The following LIMA1 variants were observed in gnomAD, a reference collection of about 807,000 sequenced individuals.
LIMA1 encodes the protein LIM domain and actin binding 1, also known as LIM domain and actin-binding protein 1.
A neutral mutation model predicts 62.6 loss-of-function variants in LIMA1; 52 were observed. That is an observed-to-expected ratio of 0.83 (90% CI 0.67 to 1.05). The LOEUF (loss-of-function observed/expected upper bound fraction) is 1.05. Ranked by LOEUF, LIMA1 falls within the 50% of genes least tolerant of loss-of-function variation. The pLI is 0.00. For missense variants in LIMA1, 780 were observed against 902.2 expected, an observed-to-expected ratio of 0.86 and a Z score of 1.74; for synonymous variants, 302 against 317.8, an observed-to-expected ratio of 0.95 and a Z score of 0.53.
At chr12:50,245,589 CT>C (rs139426723) in intron 2 of LIMA1, among the ~76,000 whole-genome samples, 5,145 of 148,514 alleles carry the variant, frequency 0.035, 285 homozygotes, top group African/African-American at 0.12. Context: ...TCCCCTATCA[CT>C]TTTTTTTTTC....
intron 7 of LIMA1, chr12:50,196,145 T>C (rs967572587): frequency 2.5e-6 from 1 of 394,904 alleles, no homozygotes; most frequent in Non-Finnish European, 4.5e-6. Flanking sequence ...AAAGTGTGCA[T>C]CATCTCCCTT....
chr12:50,265,455 G>A (rs1942128453), intron 1 of LIMA1, among the ~76,000 whole-genome samples: 1 of 151,942 alleles, frequency 6.6e-6, no homozygotes, highest in Non-Finnish European at 1.5e-5. Context: ...GGAAGGTGGA[G>A]GTTGCGGTGA....
At position 50,177,839 on chromosome 12, in the gene LIMA1, C is replaced by T. The variant is rs372141741; in HGVS notation, c.1505G>A (p.Gly502Asp). The change falls in exon 11 of 11, where the codon GGT becomes GAT. Residue 502 changes from glycine to aspartate, a missense_variant. Coordinates refer to ENST00000341247, the MANE Select transcript of LIMA1 (RefSeq NM_016357.5). ...GVEDAPIAKV[G>D]VLAASMEAKA... ...GGCTTCCATACTTGCAGCCAGGACA[C>T]CCACCTTAGCAATAGGGGCATCTTC... The T allele has an allele frequency of 1.2e-6, 2 of 1,613,064 alleles. No homozygotes were observed. The highest frequency in any genetic ancestry group is 1.7e-6 in the Non-Finnish European group (2 of 1,179,514).
chr12:50,258,790 G>A (rs1272935465), intron 1 of LIMA1, among the ~76,000 whole-genome samples: 1 of 151,756 alleles, frequency 6.6e-6, no homozygotes, highest in Non-Finnish European at 1.5e-5. Flanking sequence ...TGGGACCGCA[G>A]GCATGCGCCA....
Position 50,210,962 on chromosome 12 carries a change from G to A in LIMA1, c.631-4894C>T, listed in dbSNP as rs553423742. 3.9e-5 allele frequency among the ~76,000 whole-genome samples: 6 copies of A among 152,218 alleles called. No homozygotes were observed. The East Asian group carries it at 5.8e-4, about 15-fold the overall frequency. On this transcript the variant is annotated intron_variant, in intron 4 of 10. Transcript: ENST00000341247. Reference sequence around the variant, plus strand: ...AGGTAAGATGGGTTTTCATGATATCGCAGGTTCAGTGAAGCACAGCATTAC... The same window carrying A: ...AGGTAAGATGGGTTTTCATGATATCACAGGTTCAGTGAAGCACAGCATTAC...
chr12:50,271,707 C>T (rs1942214320), intron 1 of LIMA1, among the ~76,000 whole-genome samples: 1 of 152,216 alleles, frequency 6.6e-6, no homozygotes, highest in Non-Finnish European at 1.5e-5. Flanking sequence ...CTCTGAACAG[C>T]ATATTTCTCC....
In LIMA1 at chr12:50,227,883, C is replaced by T. The variant is rs1397054985; in HGVS notation, c.165+3782G>A. Among the ~76,000 whole-genome samples the T allele has an allele frequency of 6.8e-5, 10 of 146,846 alleles. No homozygotes were observed. In the East Asian group the frequency reaches 1.2e-3, roughly 18 times the overall value. On this transcript the variant is annotated intron_variant, in intron 3 of 10. Transcript: ENST00000341247. ...TTTTTTTTTTTTTGAGACGGAGTCT[C>T]GCTCTGTCACCCAGGCTGGAGTGTG...
Position 50,220,006 on chromosome 12 carries a change from T to C in LIMA1, c.630+2015A>G, listed in dbSNP as rs141954955. Among the ~76,000 whole-genome samples the C allele has an allele frequency of 4.8e-4, 73 of 151,948 alleles. No individual in the cohort carries two copies. In the Middle Eastern group the frequency reaches 0.01, roughly 21 times the overall value. ...AGCCTCTTCCATCTTCCTATACCTTTAGCAATCAATCTGGTGGCCCAGTGC... is the reference window on the plus strand; with the variant it reads ...AGCCTCTTCCATCTTCCTATACCTTCAGCAATCAATCTGGTGGCCCAGTGC... On this transcript the variant is annotated intron_variant, in intron 4 of 10. Transcript: ENST00000341247.
chr12:50,176,413 A>C lies in LIMA1; in HGVS notation c.*651T>G, dbSNP rs1237423779. ...GATCTCTCTAAGCACCGAAGAGTGT[A>C]GGTTGGTTTTTCAATTGCCTCAAAA... On this transcript the variant is annotated 3_prime_UTR_variant, in exon 11 of 11. Coordinates refer to ENST00000341247, the MANE Select transcript of LIMA1 (RefSeq NM_016357.5). The C allele has an allele frequency of 2.6e-5, 4 of 152,206 alleles. No homozygotes were observed. Among genetic ancestry groups the C allele is most frequent in the Non-Finnish European group, 5.9e-5 (4 of 68,028 alleles). 9.4% of individuals were successfully genotyped at this position (152,206 alleles called of 1,614,324 possible).
intron 6 of LIMA1, among the ~76,000 whole-genome samples, chr12:50,203,058 G>GGA (rs2138478458): frequency 6.8e-6 from 1 of 147,940 alleles, no homozygotes; most frequent in East Asian, 2.0e-4. Context: ...CACCCAGGCT[G>GGA]GAGTACAGTG....
chr12:50,206,685 C>T (rs1038361533), intron 4 of LIMA1, among the ~76,000 whole-genome samples: 2 of 152,142 alleles, frequency 1.3e-5, no homozygotes, highest in African/African-American at 4.8e-5. Flanking sequence ...TGGTCCCTAC[C>T]GAGCCAGCCT....
At chr12:50,251,670 T>G (rs1225165149) in intron 1 of LIMA1, among the ~76,000 whole-genome samples, 3 of 148,778 alleles carry the variant, frequency 2.0e-5, no homozygotes, top group Admixed American at 1.3e-4. Context: ...AGGAAAAGGA[T>G]TTATTATTTG....
intron 4 of LIMA1, among the ~76,000 whole-genome samples, chr12:50,215,312 G>T (rs1436219182): frequency 6.6e-6 from 1 of 152,122 alleles, no homozygotes; most frequent in Non-Finnish European, 1.5e-5. Context: ...TCATGATCCT[G>T]GTGCTAATAA....
rs561853224 is a variant in LIMA1 at position 50,210,428 on chromosome 12, A to G, written c.631-4360T>C. ...GCAAGACCCCATTTCCAAAAAAAAAAAAAAAAAGAAAAAAAGAAAAGAACA... is the reference window on the plus strand; with the variant it reads ...GCAAGACCCCATTTCCAAAAAAAAAGAAAAAAAGAAAAAAAGAAAAGAACA... On this transcript the variant is annotated intron_variant, in intron 4 of 10. Coordinates refer to ENST00000341247, the MANE Select transcript of LIMA1 (RefSeq NM_016357.5). Among the ~76,000 whole-genome samples the G allele has an allele frequency of 1.2e-4, 18 of 150,742 alleles. No homozygotes were observed. In the South Asian group the frequency reaches 3.3e-3, roughly 28 times the overall value.
At chr12:50,188,303 A>G (rs1940676293) in intron 9 of LIMA1, 1 of 152,238 alleles carries the variant, frequency 6.6e-6, no homozygotes, top group Non-Finnish European at 1.5e-5. Context: ...ACTTCTGTTC[A>G]TAGTCTGCAG....
At chr12:50,204,769 A>C in intron 5 of LIMA1, 69 bp from the exon 6 acceptor site, 2 of 1,480,154 alleles carry the variant, frequency 1.4e-6, no homozygotes, top group South Asian at 2.4e-5. Context: ...ACCCAGGCTG[A>C]AGTGCAGTGG....
intron 10 of LIMA1, among the ~76,000 whole-genome samples, chr12:50,179,306 A>T (rs1285511642): frequency 6.6e-6 from 1 of 151,212 alleles, no homozygotes; most frequent in Non-Finnish European, 1.5e-5. Context: ...CATGCACGGC[A>T]AATTTTTGTA....
At chr12:50,222,889 C>A (rs1941471469) in intron 3 of LIMA1, among the ~76,000 whole-genome samples, 1 of 152,056 alleles carries the variant, frequency 6.6e-6, no homozygotes, top group Admixed American at 6.6e-5. Context: ...TTCATCATTA[C>A]CTGCCATAAA....
intron 4 of LIMA1, among the ~76,000 whole-genome samples, chr12:50,206,637 G>A (rs907551654): frequency 3.3e-5 from 5 of 151,944 alleles, no homozygotes; most frequent in African/African-American, 7.3e-5. Flanking sequence ...AATTAAACTC[G>A]AAGTGCTTAG....
Sources: gnomAD v4.1 joint callset for allele counts (sites outside exome capture counted in the v4.1 genomes callset) on GRCh38, gnomAD v4.1.1 for gene constraint, MANE v1.5 for transcripts, NCBI Gene and HGNC (gene_info 2026-07-23, HGNC 2026-07-21) for gene names.